Variants in GLDN observed in about 807,000 individuals in gnomAD.
GLDN encodes the protein gliomedin.
A neutral mutation model predicts 56.5 loss-of-function variants in GLDN; 47 were observed. The observed-to-expected ratio is 0.83, with a 90% confidence interval of 0.66 to 1.06. The LOEUF is 1.06. Ranked by LOEUF, GLDN falls within the 50% of genes least tolerant of loss-of-function variation. The pLI, the probability that GLDN is intolerant of heterozygous loss-of-function variation, is 0.00. For synonymous variants in GLDN, 332 were observed against 278.8 expected, an observed-to-expected ratio of 1.19 and a Z score of -1.90; for missense variants, 782 against 714.3, an observed-to-expected ratio of 1.09 and a Z score of -1.08.
At chr15:51,363,199 A>G (rs1463867209) in intron 1 of GLDN, among the ~76,000 whole-genome samples, 1 of 152,152 alleles carries the variant, frequency 6.6e-6, no homozygotes, top group African/African-American at 2.4e-5. Context: ...TAGTCAGGAA[A>G]TCATGGAGAT....
intron 4 of GLDN, 125 bp from the exon 5 acceptor site, chr15:51,394,710 T>C (rs1239150744): frequency 2.5e-5 from 21 of 853,854 alleles, no homozygotes; most frequent in Non-Finnish European, 3.9e-5. Context: ...CTAAAATGGT[T>C]ATGAAATGCT....
At chr15:51,410,204 T>A (rs535703843), downstream of GLDN, among the ~76,000 whole-genome samples, 2 of 152,210 alleles carry the variant, frequency 1.3e-5, no homozygotes, top group Non-Finnish European at 2.9e-5. Flanking sequence ...TCCTTAGATA[T>A]CACCCCTTCC....
chr15:51,401,516 A>T (rs540109042), intron 8 of GLDN, 77 bp from the exon 9 acceptor site: 3 of 1,388,680 alleles, frequency 2.2e-6, no homozygotes, highest in Non-Finnish European at 3.0e-6. Flanking sequence ...CGCCTTTGAA[A>T]TTCCTCCCAA....
chr15:51,354,887 C>A (rs1362758871), intron 1 of GLDN, among the ~76,000 whole-genome samples: 4 of 152,046 alleles, frequency 2.6e-5, no homozygotes, highest in African/African-American at 4.8e-5. Flanking sequence ...AAGACTGAAG[C>A]AAGAAGAAAG....
At chr15:51,379,244 A>T (rs1331440966) in intron 2 of GLDN, among the ~76,000 whole-genome samples, 2 of 152,060 alleles carry the variant, frequency 1.3e-5, no homozygotes, top group Admixed American at 6.6e-5. Flanking sequence ...AATGCATCTT[A>T]CTCTGGAGCC....
Position 51,361,346 on chromosome 15 carries a change from A to C in GLDN, c.364-16103A>C, listed in dbSNP as rs140166853. On this transcript the variant is annotated intron_variant, in intron 1 of 9. Coordinates refer to ENST00000335449, the MANE Select transcript of GLDN (RefSeq NM_181789.4). Reference sequence around the variant, plus strand: ...TTTTTTGCTATGCCTCTACTGAAGTATTTGATGAATACCTCTTGACTATAG... The same window carrying C: ...TTTTTTGCTATGCCTCTACTGAAGTCTTTGATGAATACCTCTTGACTATAG... Among the ~76,000 whole-genome samples, 418 of 152,284 alleles carry C rather than the reference A, an allele frequency of 2.7e-3. 1 individual carries two copies. Among genetic ancestry groups the C allele is most frequent in the African/African-American group, 9.9e-3 (410 of 41,552 alleles).
chr15:51,396,163 C>T (rs961680404), intron 5 of GLDN, among the ~76,000 whole-genome samples: 2 of 152,188 alleles, frequency 1.3e-5, no homozygotes, highest in Non-Finnish European at 2.9e-5. Flanking sequence ...CTTAACTTAA[C>T]CCAAAACTCA....
At chr15:51,354,743 T>G (rs1256429571) in intron 1 of GLDN, among the ~76,000 whole-genome samples, 2 of 152,078 alleles carry the variant, frequency 1.3e-5, no homozygotes, top group African/African-American at 4.8e-5. Context: ...TTTCTACTTT[T>G]GAGAAATTGA....
At chr15:51,395,819 C>T (rs1455083528) in intron 5 of GLDN, among the ~76,000 whole-genome samples, 1 of 152,154 alleles carries the variant, frequency 6.6e-6, no homozygotes, top group Non-Finnish European at 1.5e-5. Context: ...ATGATGCTGG[C>T]ATCTGCTCAG....
chr15:51,403,176 T>C (rs939908094), intron 9 of GLDN, among the ~76,000 whole-genome samples: 4 of 152,182 alleles, frequency 2.6e-5, no homozygotes, highest in Non-Finnish European at 4.4e-5. Context: ...GACTGGGACC[T>C]GACGGAGAAG....
At chr15:51,353,746 T>TAAAAAAA (rs56751652) in intron 1 of GLDN, among the ~76,000 whole-genome samples, 2 of 117,126 alleles carry the variant, frequency 1.7e-5, no homozygotes, top group African/African-American at 6.8e-5. Context: ...CACAGTCAAT[T>TAAAAAAA]AAAAAAAAAA....
At chr15:51,410,808 T>C (rs552287626), downstream of GLDN, among the ~76,000 whole-genome samples, 28 of 152,340 alleles carry the variant, frequency 1.8e-4, no homozygotes, top group African/African-American at 6.7e-4. Context: ...CAAATTTAAC[T>C]GGGAGCCTTG....
downstream of GLDN, among the ~76,000 whole-genome samples, chr15:51,408,270 A>G (rs2038425406): frequency 6.6e-6 from 1 of 152,228 alleles, no homozygotes; most frequent in Non-Finnish European, 1.5e-5. Flanking sequence ...CCAATTCATC[A>G]GCATGGGCAA....
At chr15:51,365,314 TTTTC>T (rs1379566372) in intron 1 of GLDN, among the ~76,000 whole-genome samples, 19 of 152,198 alleles carry the variant, frequency 1.2e-4, no homozygotes, top group Non-Finnish European at 2.2e-4. Context: ...GCTTTTAATC[TTTTC>T]TTTACTAATT....
chr15:51,368,008 A>G (rs2037440175), intron 1 of GLDN, among the ~76,000 whole-genome samples: 1 of 152,198 alleles, frequency 6.6e-6, no homozygotes, highest in Admixed American at 6.5e-5. Context: ...AGTAGCTGCA[A>G]AAATAAAATT....
chr15:51,381,718 A>G (rs758526788), intron 2 of GLDN, among the ~76,000 whole-genome samples: 1 of 150,728 alleles, frequency 6.6e-6, no homozygotes, highest in South Asian at 2.1e-4. Flanking sequence ...CAGTCAGCTC[A>G]TTTATCCACA....
At chr15:51,355,795 T>G (rs1353078599) in intron 1 of GLDN, among the ~76,000 whole-genome samples, 1 of 149,920 alleles carries the variant, frequency 6.7e-6, no homozygotes, top group Admixed American at 6.6e-5. Flanking sequence ...AGTGCTGGGA[T>G]TACAGGCGTG....
At chr15:51,364,078 C>G (rs1453371365) in intron 1 of GLDN, among the ~76,000 whole-genome samples, 1 of 152,000 alleles carries the variant, frequency 6.6e-6, no homozygotes, top group African/African-American at 2.4e-5. Flanking sequence ...TGTTTCTTGT[C>G]TCTGGAGCTT....
chr15:51,403,319 GT>G (rs1244230030), intron 9 of GLDN, among the ~76,000 whole-genome samples: 1 of 152,182 alleles, frequency 6.6e-6, no homozygotes, highest in African/African-American at 2.4e-5. Flanking sequence ...GAGAACTCCT[GT>G]GTACTGAGAT....
Sources: gnomAD v4.1 joint callset for allele counts (sites outside exome capture counted in the v4.1 genomes callset) on GRCh38, gnomAD v4.1.1 for gene constraint, MANE v1.5 for transcripts, NCBI Gene and HGNC (gene_info 2026-07-23, HGNC 2026-07-21) for gene names.